TPGS2: variants seen among roughly 807,000 people sequenced by gnomAD.
The protein encoded by TPGS2 is polyglutamylase subunit 2.
TPGS2 carries 26 observed loss-of-function variants against 31.1 expected under a neutral mutation model. The ratio of observed to expected loss-of-function variants is 0.84; its 90% CI spans 0.61 to 1.16. The LOEUF (loss-of-function observed/expected upper bound fraction) is 1.16. Among genes scored for constraint, TPGS2 ranks in the 50% most tolerant of loss-of-function variants. The pLI is 0.00. For missense variants in TPGS2, 351 were observed against 363.8 expected (o/e 0.96, Z 0.29); for synonymous variants, 130 against 136.6 (o/e 0.95, Z 0.34).
At chr18:36,811,474 G>C (rs2045423721) in intron 2 of TPGS2, among the ~76,000 whole-genome samples, 1 of 152,062 alleles carries the variant, frequency 6.6e-6, no homozygotes, top group South Asian at 2.1e-4. Flanking sequence ...ATAAATATTG[G>C]CCTGTCTAGA....
chr18:36,781,805 A>G, downstream of TPGS2: 3 of 985,452 alleles, frequency 3.0e-6, no homozygotes, highest in Non-Finnish European at 3.6e-6. Context: ...TTACGGAGAC[A>G]GGGAGCTTGT....
At position 36,794,883 on chromosome 18, in the gene TPGS2, G is replaced by A. The variant is rs1447088051; in HGVS notation, c.*1922C>T. ...CACACACACACACACACACACACACGTTTAAATGACCACACTGAATTATAA... is the reference window on the plus strand; with the variant it reads ...CACACACACACACACACACACACACATTTAAATGACCACACTGAATTATAA... On this transcript the variant is annotated 3_prime_UTR_variant, in exon 7 of 7. Coordinates refer to ENST00000334295, the MANE Select transcript of TPGS2 (RefSeq NM_015476.4). The A allele has an allele frequency of 2.1e-6, 2 of 932,084 alleles. No individual in the cohort carries two copies. The highest frequency in any genetic ancestry group is 2.3e-5 in the African/African-American group (1 of 44,174). 57.7% of individuals were successfully genotyped at this position (932,084 alleles called of 1,614,324 possible).
At chr18:36,802,486 A>T (rs1568008315) in intron 4 of TPGS2, among the ~76,000 whole-genome samples, 1 of 147,310 alleles carries the variant, frequency 6.8e-6, no homozygotes, top group Admixed American at 6.8e-5. Flanking sequence ...CAATATACGA[A>T]TTTTTTTTTT....
At chr18:36,781,880 C>T (rs1052907861), downstream of TPGS2, 29 of 985,200 alleles carry the variant, frequency 2.9e-5, no homozygotes, top group Admixed American at 6.2e-5. Context: ...CTGGAACTTG[C>T]GAGAGTTGGG....
At chr18:36,800,378 A>G (rs1206507621) in intron 4 of TPGS2, 67 bp from the exon 5 acceptor site, 4 of 1,358,858 alleles carry the variant, frequency 2.9e-6, no homozygotes, top group Middle Eastern at 1.8e-4. Context: ...TATATATCCA[A>G]CTTTGCTAGG....
rs2045776184 is a variant in TPGS2 at position 36,818,890 on chromosome 18, T to C, written c.165+4A>G. On this transcript the variant is annotated splice_donor_region_variant and intron_variant, in intron 2 of 6. Coordinates refer to ENST00000334295, the MANE Select transcript of TPGS2 (RefSeq NM_015476.4). ...GGAGGTAGAGTTCATGTGGCAACACTTACTTGTTCCCAGGAAGAAATCATA... is the reference window on the plus strand; with the variant it reads ...GGAGGTAGAGTTCATGTGGCAACACCTACTTGTTCCCAGGAAGAAATCATA... 6.2e-7 allele frequency: 1 copy of C among 1,612,938 alleles called. No homozygotes were observed. Among genetic ancestry groups the C allele is most frequent in the Non-Finnish European group, 8.5e-7 (1 of 1,179,118 alleles).
rs2044490049 is a variant in TPGS2 at position 36,795,573 on chromosome 18, A to G, written c.*1232T>C. 1.0e-6 allele frequency: 1 copy of G among 985,372 alleles called. No homozygotes were observed. The highest frequency in any genetic ancestry group is 1.7e-5 in the African/African-American group (1 of 57,258). 61.0% of individuals were successfully genotyped at this position (985,372 alleles called of 1,614,324 possible). A position where few individuals can be genotyped will look rare whatever the true frequency, so the allele number is the denominator to read the frequency against. On this transcript the variant is annotated 3_prime_UTR_variant, in exon 7 of 7. Coordinates refer to ENST00000334295, the MANE Select transcript of TPGS2 (RefSeq NM_015476.4). ...AGGACTGTAGAGGGAGGAAATAAAT[A>G]GGCATTCCTAATTGAAAATCTGAGC...
At chr18:36,787,133 T>A in intron 6 of TPGS2, 1 of 1,232,186 alleles carries the variant, frequency 8.1e-7, no homozygotes, top group Non-Finnish European at 1.0e-6. Flanking sequence ...TTTAAAGATA[T>A]TCCAGAGGCA....
intron 2 of TPGS2, among the ~76,000 whole-genome samples, chr18:36,813,224 G>C (rs1382581405): frequency 6.6e-6 from 1 of 152,226 alleles, no homozygotes; most frequent in Admixed American, 6.5e-5. Flanking sequence ...AGAGAACTAG[G>C]AGGGAAGAGT....
chr18:36,806,297 A>C (rs569753632), intron 3 of TPGS2, among the ~76,000 whole-genome samples: 15 of 152,286 alleles, frequency 9.8e-5, no homozygotes, highest in African/African-American at 3.6e-4. Flanking sequence ...AGGGTATTGC[A>C]ATAATGAACT....
chr18:36,797,170 A>G, intron 6 of TPGS2, 120 bp from the exon 7 acceptor site: 1 of 1,536,146 alleles, frequency 6.5e-7, no homozygotes, highest in Non-Finnish European at 8.7e-7. Flanking sequence ...TTCATGAAAA[A>G]CTGCCTAAAA....
chr18:36,803,428 T>A (rs2044938749), intron 4 of TPGS2, among the ~76,000 whole-genome samples: 1 of 152,158 alleles, frequency 6.6e-6, no homozygotes, highest in Non-Finnish European at 1.5e-5. Flanking sequence ...TATTTTTGCC[T>A]AGAAGCTTGT....
rs1270176851 is a variant in TPGS2 at position 36,803,040 on chromosome 18, A to T, written c.382+2334T>A. ...ATATATTTATATATTGATGGAGAAC[A>T]ACACGCTATTTTAAGATGTATATGC... On this transcript the variant is annotated intron_variant, in intron 4 of 6. Coordinates refer to ENST00000334295, the MANE Select transcript of TPGS2 (RefSeq NM_015476.4). 3.3e-5 allele frequency among the ~76,000 whole-genome samples: 5 copies of T among 152,168 alleles called. No individual in the cohort carries two copies. In the East Asian group the frequency reaches 7.7e-4, roughly 23 times the overall value.
rs2045779715 is a variant in TPGS2, at chr18:36,818,957, C to T, written c.102G>A (p.Val34=). The change falls in exon 2 of 7, where the codon GTG becomes GTA. Residue 34 remains valine, a synonymous_variant. Transcript: ENST00000334295. ...GCTTTTCTATGATGGTCACCTCAGT[C>T]ACACCTGGGGAAGATTCTGGAAGAG... The part of the protein sequence containing the change: ...ITRILESSPG[V]TEVTIIEKPP... 2.5e-6 allele frequency: 4 copies of T among 1,613,522 alleles called. No individual in the cohort carries two copies. Among genetic ancestry groups the T allele is most frequent in the Non-Finnish European group, 3.4e-6 (4 of 1,179,670 alleles).
intron 1 of TPGS2, chr18:36,823,690 G>A (rs1600846608): frequency 4.4e-6 from 1 of 229,582 alleles, no homozygotes; most frequent in African/African-American, 2.3e-5. Context: ...TCGATCTCCT[G>A]ACCTCGTGAT....
At position 36,796,668 on chromosome 18, in the gene TPGS2, C is replaced by G. The variant is rs990299453; in HGVS notation, c.*137G>C. 4.2e-6 allele frequency: 6 copies of G among 1,440,946 alleles called. No individual in the cohort carries two copies. Among genetic ancestry groups the G allele is most frequent in the Non-Finnish European group, 5.4e-6 (6 of 1,102,850 alleles). The allele number at this position is 1,440,946 out of a possible 1,614,324, so 89.3% of individuals were successfully genotyped here. ...ACGAGCCTGGCTAATGTCGGTGGGA[C>G]TAAAAGCCTTACAATTTTGGTCATT... On this transcript the variant is annotated 3_prime_UTR_variant, in exon 7 of 7. Transcript: ENST00000334295.
chr18:36,806,850 TAAAAAAAAAAAAAAAAA>T (rs397962723), intron 3 of TPGS2, among the ~76,000 whole-genome samples: 2 of 37,330 alleles, frequency 5.4e-5, no homozygotes, highest in Admixed American at 4.1e-4. Flanking sequence ...GACTCCATCT[TAAAAAAAAAAAAAAAAA>T]AAAAAAAAAA....
rs2046321755 is a variant in TPGS2, at chr18:36,828,706, G to A, written c.62C>T (p.Thr21Ile). 3 of 1,614,112 alleles carry A rather than the reference G, an allele frequency of 1.9e-6. No homozygotes were observed. The highest frequency in any genetic ancestry group is 2.5e-6 in the Non-Finnish European group (3 of 1,179,994). The change falls in exon 1 of 7, where the codon ACC becomes ATC. Residue 21 changes from threonine (T) to isoleucine (I), a missense_variant. Thr to Ile is a moderately conservative substitution (Grantham distance 89, BLOSUM62 -1). Transcript: ENST00000334295. ...GCSKPHLEKL[T>I]LGITRILESS... Reference sequence around the variant, plus strand: ...ACCTAGGATGCGCGTGATGCCCAGGGTCAGCTTCTCCAGGTGCGGCTTGCT... The same window carrying A: ...ACCTAGGATGCGCGTGATGCCCAGGATCAGCTTCTCCAGGTGCGGCTTGCT...
At position 36,795,427 on chromosome 18, in the gene TPGS2, C is replaced by A; in HGVS notation, c.*1378G>T. 1 of 985,420 alleles carries A rather than the reference C, an allele frequency of 1.0e-6. No homozygotes were observed. The highest frequency in any genetic ancestry group is 1.2e-6 in the Non-Finnish European group (1 of 829,942). 61.0% of individuals were successfully genotyped at this position (985,420 alleles called of 1,614,324 possible). A position where few individuals can be genotyped will look rare whatever the true frequency, so the allele number is the denominator to read the frequency against. Reference sequence around the variant, plus strand: ...ACCTCATTCCTCAAAACTCCTAATTCTCTAACCTCTGGGACTTCAGTACAA... The same window carrying A: ...ACCTCATTCCTCAAAACTCCTAATTATCTAACCTCTGGGACTTCAGTACAA... On this transcript the variant is annotated 3_prime_UTR_variant, in exon 7 of 7. Transcript: ENST00000334295.
Sources: allele counts gnomAD v4.1 joint callset (sites outside exome capture counted in the v4.1 genomes callset), GRCh38; gene constraint gnomAD v4.1.1; transcripts MANE v1.5; gene names NCBI Gene and HGNC (gene_info 2026-07-23, HGNC 2026-07-21).